The following PCCA variants were observed in gnomAD, a reference collection of about 807,000 sequenced individuals.
The protein encoded by PCCA is propionyl-CoA carboxylase subunit alpha.
In PCCA, 74 loss-of-function variants were observed where a neutral mutation model predicts 101.3. That is an observed-to-expected ratio of 0.73 (90% CI 0.61 to 0.89). The LOEUF (loss-of-function observed/expected upper bound fraction) is 0.89. Among genes scored for constraint, PCCA ranks in the 40% least tolerant of loss-of-function variants. PCCA has a pLI of 0.00. For missense variants in PCCA, 891 were observed against 907.0 expected (o/e 0.98, Z 0.23); for synonymous variants, 294 against 313.6 (o/e 0.94, Z 0.66).
chr13:100,416,472 G>A (rs1479056154), intron 19 of PCCA, among the ~76,000 whole-genome samples: 11 of 151,860 alleles, frequency 7.2e-5, no homozygotes, highest in Non-Finnish European at 1.3e-4. Context: ...GTGAGCCACC[G>A]TGCCCAGCCA....
At chr13:100,230,462 T>C (rs567620228) in intron 7 of PCCA, among the ~76,000 whole-genome samples, 1 of 151,874 alleles carries the variant, frequency 6.6e-6, no homozygotes, top group East Asian at 1.9e-4. Flanking sequence ...AGAGAACTAC[T>C]TGAACCCAGG....
At chr13:100,500,056 A>T (rs1414667556) in intron 21 of PCCA, among the ~76,000 whole-genome samples, 1 of 152,208 alleles carries the variant, frequency 6.6e-6, no homozygotes, top group Non-Finnish European at 1.5e-5. Context: ...AATTGAAGTA[A>T]GAAATTGGGC....
chr13:100,488,656 T>A (rs2084622490), intron 21 of PCCA, among the ~76,000 whole-genome samples: 4 of 148,608 alleles, frequency 2.7e-5, no homozygotes, highest in Non-Finnish European at 4.5e-5. Flanking sequence ...TTTTTTTTTT[T>A]AATTAGCTGG....
At chr13:100,512,531 C>T (rs1439493892) in intron 21 of PCCA, among the ~76,000 whole-genome samples, 3 of 152,156 alleles carry the variant, frequency 2.0e-5, no homozygotes, top group African/African-American at 7.2e-5. Context: ...CCTAAGCCAG[C>T]GGAGTGAAGT....
intron 18 of PCCA, among the ~76,000 whole-genome samples, chr13:100,365,598 G>T (rs1419100886): frequency 6.6e-6 from 1 of 152,194 alleles, no homozygotes; most frequent in Non-Finnish European, 1.5e-5. Flanking sequence ...CTATAATTAA[G>T]GAACAATTTG....
At chr13:100,423,871 A>G (rs1227747024) in intron 19 of PCCA, among the ~76,000 whole-genome samples, 1 of 152,236 alleles carries the variant, frequency 6.6e-6, no homozygotes, top group East Asian at 1.9e-4. Context: ...GGGAGAACGT[A>G]GACTCACACG....
intron 17 of PCCA, among the ~76,000 whole-genome samples, chr13:100,334,582 T>C (rs553195797): frequency 4.6e-5 from 7 of 152,228 alleles, no homozygotes; most frequent in Middle Eastern, 3.4e-3. Context: ...AAATACTGAA[T>C]TAGAGGAGAA....
intron 6 of PCCA, among the ~76,000 whole-genome samples, chr13:100,196,627 C>A (rs1377451443): frequency 6.6e-6 from 1 of 152,082 alleles, no homozygotes; most frequent in Non-Finnish European, 1.5e-5. Context: ...AACAGAAAGA[C>A]ACAGGTTCCT....
chr13:100,100,599 T>G (rs1179692586), intron 1 of PCCA, among the ~76,000 whole-genome samples: 1 of 152,176 alleles, frequency 6.6e-6, no homozygotes, highest in Non-Finnish European at 1.5e-5. Flanking sequence ...ATGTTGTGGC[T>G]TTACACAAAT....
chr13:100,196,023 A>G lies in PCCA; in HGVS notation c.469-13309A>G, dbSNP rs187184706. On this transcript the variant is annotated intron_variant, in intron 6 of 23. Transcript: ENST00000376285. ...GAAATGGAAAACACTAACATACTTT[A>G]ATCTTAGTCTTCTAGGAATAGAAAG... 6.0e-4 allele frequency among the ~76,000 whole-genome samples: 91 copies of G among 152,338 alleles called. 1 individual carries two copies. The South Asian group carries it at 0.01, about 17-fold the overall frequency.
chr13:100,517,982 G>A (rs1423210023), intron 22 of PCCA, among the ~76,000 whole-genome samples: 2 of 152,036 alleles, frequency 1.3e-5, no homozygotes, highest in Non-Finnish European at 2.9e-5. Flanking sequence ...GAAATTTTGC[G>A]GTTTTAAGTG....
chr13:100,142,033 G>C (rs2051936577), intron 4 of PCCA, among the ~76,000 whole-genome samples: 1 of 151,924 alleles, frequency 6.6e-6, no homozygotes, highest in South Asian at 2.1e-4. Context: ...ATAATACTTG[G>C]AAATTCATTT....
chr13:100,280,792 C>A (rs2064043123), intron 12 of PCCA, among the ~76,000 whole-genome samples: 1 of 152,182 alleles, frequency 6.6e-6, no homozygotes, highest in South Asian at 2.1e-4. Flanking sequence ...TGTGCACTAT[C>A]CTGAGTAGTG....
chr13:100,252,759 C>T (rs1336450657), intron 8 of PCCA, among the ~76,000 whole-genome samples: 1 of 152,218 alleles, frequency 6.6e-6, no homozygotes, highest in African/African-American at 2.4e-5. Flanking sequence ...TTATCTTCCA[C>T]ATCCAAACTG....
chr13:100,257,608 G>A lies in PCCA; in HGVS notation c.651G>A (p.Met217Ile), dbSNP rs1018685292. ...CCCTGCTGTTAGGCTACCCTGTCAT[G>A]ATCAAGGCCTCAGCAGGTGGTGGTG... ...RIAREIGYPV[M>I]IKASAGGGGK... The change falls in exon 9 of 24, where the codon ATG becomes ATA. Residue 217 changes from methionine to isoleucine, a missense_variant. Coordinates refer to ENST00000376285, the MANE Select transcript of PCCA (RefSeq NM_000282.4). 6.2e-7 allele frequency: 1 copy of A among 1,613,414 alleles called. No individual in the cohort carries two copies. Among genetic ancestry groups the A allele is most frequent in the East Asian group, 2.2e-5 (1 of 44,864 alleles).
rs868497102 is a variant in PCCA at position 100,298,634 on chromosome 13, C to T, written c.1066-2826C>T. Among the ~76,000 whole-genome samples, 18 of 5,210 alleles carry T rather than the reference C, an allele frequency of 3.5e-3. 5 individuals carry two copies. The highest frequency in any genetic ancestry group is 0.029 in the South Asian group (1 of 34). The allele number at this position is 5,210 out of a possible 152,430, so 3.4% of individuals were successfully genotyped here. A position where few individuals can be genotyped will look rare whatever the true frequency, so the allele number is the denominator to read the frequency against. ...CCCTCCCTCCCTCCCTCCCTCCCCT[C>T]CCTCCCTCCCTCCCTCCCTCCCTCC... On this transcript the variant is annotated intron_variant, in intron 12 of 23. Transcript: ENST00000376285.
chr13:100,136,122 ATGT>A (rs1386679158), intron 4 of PCCA, among the ~76,000 whole-genome samples: 2 of 150,340 alleles, frequency 1.3e-5, no homozygotes, highest in East Asian at 1.9e-4. Context: ...TATTAGCATA[ATGT>A]TGTCCTTATA....
chr13:100,445,836 T>A (rs2080787364), intron 20 of PCCA, among the ~76,000 whole-genome samples: 1 of 152,204 alleles, frequency 6.6e-6, no homozygotes, highest in South Asian at 2.1e-4. Context: ...TTAGGCTGAT[T>A]CCCTGTCTTG....
intron 20 of PCCA, 75 bp from the exon 21 acceptor site, chr13:100,449,177 T>G: frequency 1.1e-6 from 1 of 873,672 alleles, no homozygotes; most frequent in Non-Finnish European, 1.8e-6. Flanking sequence ...ACATTTGGGT[T>G]TTTTGGCTAT....
Sources: allele counts gnomAD v4.1 joint callset (sites outside exome capture counted in the v4.1 genomes callset), GRCh38; gene constraint gnomAD v4.1.1; transcripts MANE v1.5; gene names NCBI Gene and HGNC (gene_info 2026-07-23, HGNC 2026-07-21).